Variants in JMJD1C observed in about 807,000 individuals in gnomAD.
The protein encoded by JMJD1C is jumonji domain-containing protein 1C.
In JMJD1C, 31 loss-of-function variants were observed where a neutral mutation model predicts 245.3. The observed-to-expected ratio is 0.13, with a 90% CI of 0.09 to 0.17. The LOEUF (loss-of-function observed/expected upper bound fraction) is 0.17. Among genes scored for constraint, JMJD1C ranks in the 10% least tolerant of loss-of-function variants. JMJD1C has a pLI of 1.00. For synonymous variants in JMJD1C, 1,057 were observed against 1,017.4 expected (o/e 1.04, Z -0.74); for missense variants, 2,691 against 3,000.2 (o/e 0.90, Z 2.41).
At chr10:63,194,223 T>TA in intron 14 of JMJD1C, 63 bp downstream of exon 14, 1 of 975,928 alleles carries the variant, frequency 1.0e-6, no homozygotes, top group Non-Finnish European at 1.7e-6. Flanking sequence ...GATACTCCTT[T>TA]AAGTGTTTCC....
chr10:63,249,464 A>G (rs1274520222), intron 3 of JMJD1C, among the ~76,000 whole-genome samples: 1 of 152,240 alleles, frequency 6.6e-6, no homozygotes, highest in Non-Finnish European at 1.5e-5. Flanking sequence ...AGAATAAATA[A>G]GACCTATGGT....
At chr10:63,480,322 G>C (rs10761773) in intron 1 of JMJD1C, among the ~76,000 whole-genome samples, 99,406 of 148,692 alleles carry the variant, frequency 0.67, 35,654 homozygotes, top group Non-Finnish European at 0.81. Flanking sequence ...ACTATAGTTT[G>C]ATTTTTTTTT....
chr10:63,247,493 C>T (rs1233700362), intron 3 of JMJD1C, among the ~76,000 whole-genome samples: 4 of 152,086 alleles, frequency 2.6e-5, no homozygotes, highest in Non-Finnish European at 5.9e-5. Context: ...GTAATCCCAA[C>T]ACTTTGAAAG....
At chr10:63,513,793 G>A (rs1954939689) in intron 1 of JMJD1C, among the ~76,000 whole-genome samples, 1 of 152,072 alleles carries the variant, frequency 6.6e-6, no homozygotes, top group Non-Finnish European at 1.5e-5. Flanking sequence ...GGAGCCTGTA[G>A]TCCCAGCTTC....
chr10:63,325,021 A>G (rs186305892), intron 2 of JMJD1C, among the ~76,000 whole-genome samples: 80 of 152,288 alleles, frequency 5.3e-4, no homozygotes, highest in African/African-American at 1.9e-3. Context: ...AAAGATATAT[A>G]TAGTCTAATT....
At chr10:63,453,239 C>T (rs1452454750) in intron 1 of JMJD1C, among the ~76,000 whole-genome samples, 1 of 152,174 alleles carries the variant, frequency 6.6e-6, no homozygotes, top group Non-Finnish European at 1.5e-5. Context: ...GGCGCCACTG[C>T]ACTCCAGCCT....
At chr10:63,208,871 A>G (rs1846977423) in intron 9 of JMJD1C, 70 bp from the exon 10 acceptor site, 1 of 1,244,388 alleles carries the variant, frequency 8.0e-7, no homozygotes, top group African/African-American at 1.5e-5. Flanking sequence ...GCTTCTATGC[A>G]ATATCATTCT....
At chr10:63,292,143 G>GGTTTTTTTTTTT (rs1396774570) in intron 2 of JMJD1C, among the ~76,000 whole-genome samples, 1 of 13,516 alleles carries the variant, frequency 7.4e-5, no homozygotes, top group Non-Finnish European at 1.8e-4. Flanking sequence ...TGTAGAGACA[G>GGTTTTTTTTTTT]ATTTTTTTTT....
chr10:63,249,740 G>C (rs1331551626), intron 3 of JMJD1C, among the ~76,000 whole-genome samples: 1 of 151,350 alleles, frequency 6.6e-6, no homozygotes, highest in Non-Finnish European at 1.5e-5. Context: ...TGCGCCTGTA[G>C]TCCCAACTAC....
intron 10 of JMJD1C, chr10:63,203,573 A>C (rs1846262240): frequency 2.1e-6 from 2 of 956,478 alleles, no homozygotes; most frequent in Non-Finnish European, 1.2e-6. Context: ...TATAGTGGCA[A>C]TTTCAGATCA....
intron 1 of JMJD1C, among the ~76,000 whole-genome samples, chr10:63,440,780 T>G (rs1951337025): frequency 1.3e-5 from 2 of 152,162 alleles, no homozygotes; most frequent in African/African-American, 4.8e-5. Context: ...TAACACTAAG[T>G]GTGCACAACC....
chr10:63,415,437 C>G (rs944732551), intron 1 of JMJD1C, among the ~76,000 whole-genome samples: 3 of 152,098 alleles, frequency 2.0e-5, no homozygotes, highest in African/African-American at 7.2e-5. Context: ...GAAACTAGTT[C>G]TCACTTGTAA....
At chr10:63,366,372 G>A (rs1347846024) in intron 2 of JMJD1C, among the ~76,000 whole-genome samples, 1 of 152,042 alleles carries the variant, frequency 6.6e-6, no homozygotes, top group Non-Finnish European at 1.5e-5. Flanking sequence ...GACTCCTCCT[G>A]GATTCTGCAC....
At chr10:63,276,706 AC>A (rs1856809204) in intron 2 of JMJD1C, among the ~76,000 whole-genome samples, 1 of 151,100 alleles carries the variant, frequency 6.6e-6, no homozygotes, top group African/African-American at 2.4e-5. Flanking sequence ...CAGGTGATCC[AC>A]CCTCCTCAAC....
At chr10:63,270,862 A>G (rs896862709) in intron 2 of JMJD1C, among the ~76,000 whole-genome samples, 2 of 152,196 alleles carry the variant, frequency 1.3e-5, no homozygotes, top group African/African-American at 2.4e-5. Context: ...ATGGAATGGA[A>G]TATAAATTTG....
intron 1 of JMJD1C, among the ~76,000 whole-genome samples, chr10:63,509,815 G>A (rs571014375): frequency 6.6e-6 from 1 of 152,170 alleles, no homozygotes; most frequent in South Asian, 2.1e-4. Context: ...CTAGCTAAAA[G>A]ATTACCTATT....
At chr10:63,427,553 T>A in intron 1 of JMJD1C, 1 of 1,403,288 alleles carries the variant, frequency 7.1e-7, no homozygotes, top group Admixed American at 1.7e-5. Context: ...GACTCTATTG[T>A]GGACCCACAG....
At chr10:63,291,916 C>T (rs971934290) in intron 2 of JMJD1C, among the ~76,000 whole-genome samples, 2 of 151,906 alleles carry the variant, frequency 1.3e-5, no homozygotes, top group Non-Finnish European at 2.9e-5. Context: ...TATGTATAGA[C>T]ATGAGAAATG....
rs1847812494 is a variant in JMJD1C, at chr10:63,214,992, G to A, written c.1175C>T (p.Ser392Phe). The A allele has an allele frequency of 6.3e-7, 1 of 1,599,844 alleles. No homozygotes were observed. Among genetic ancestry groups the A allele is most frequent in the South Asian group, 1.1e-5 (1 of 88,156 alleles). The change falls in exon 8 of 26, where the codon TCC becomes TTC. Residue 392 changes from serine (S) to phenylalanine (F), a missense_variant. By Grantham distance (155) the Ser-to-Phe change is radical (BLOSUM62 -2). Coordinates refer to ENST00000399262, the MANE Select transcript of JMJD1C (RefSeq NM_032776.3). ...TTCATTCTCTGGCTTCTGTTCTGAG[G>A]AATTATCTATTATTCTCTTATTTGA... ...ENSNKRIIDN[S>F]SEQKPENELK...
Sources: gnomAD v4.1 joint callset for allele counts (sites outside exome capture counted in the v4.1 genomes callset) on GRCh38, gnomAD v4.1.1 for gene constraint, MANE v1.5 for transcripts, NCBI Gene and HGNC (gene_info 2026-07-23, HGNC 2026-07-21) for gene names.